The following UBAP2L variants were observed in gnomAD, a reference collection of about 807,000 sequenced individuals.
UBAP2L encodes ubiquitin associated protein 2 like, also known as ubiquitin-associated protein 2-like.
In UBAP2L, 12 loss-of-function variants were observed where a neutral mutation model predicts 130.6. The ratio of observed to expected loss-of-function variants is 0.09; its 90% confidence interval spans 0.06 to 0.15. UBAP2L has a LOEUF of 0.15. Ranked by LOEUF, UBAP2L falls within the 10% of genes least tolerant of loss-of-function variation. The pLI is 1.00. For missense variants in UBAP2L, 965 were observed against 1,332.5 expected, an observed-to-expected ratio of 0.72 and a Z score of 4.29; for synonymous variants, 503 against 524.7, an observed-to-expected ratio of 0.96 and a Z score of 0.57.
At chr1:154,227,657 G>A (rs1224890787) in intron 3 of UBAP2L, among the ~76,000 whole-genome samples, 3 of 151,106 alleles carry the variant, frequency 2.0e-5, no homozygotes, top group African/African-American at 4.9e-5. Flanking sequence ...AGCGATTCTC[G>A]TGCTTCAGCC....
chr1:154,241,628 A>G, intron 9 of UBAP2L, 63 bp downstream of exon 9: 1 of 1,604,020 alleles, frequency 6.2e-7, no homozygotes, highest in Non-Finnish European at 8.5e-7. Flanking sequence ...TTAGGGATAG[A>G]AAATGGGTAT....
chr1:154,246,476 C>A, intron 11 of UBAP2L, 101 bp downstream of exon 11: 1 of 1,360,940 alleles, frequency 7.3e-7, no homozygotes, highest in Non-Finnish European at 1.0e-6. Flanking sequence ...GCAGGTGAAG[C>A]ATCCTCTTTG....
chr1:154,263,449 A>G, intron 24 of UBAP2L: 29 of 1,188,200 alleles, frequency 2.4e-5, no homozygotes, highest in Non-Finnish European at 2.8e-5. Context: ...ATGTAGTTTC[A>G]ACTTGTAACA....
intron 4 of UBAP2L, among the ~76,000 whole-genome samples, chr1:154,229,805 T>C (rs1488126809): frequency 6.6e-6 from 1 of 152,222 alleles, no homozygotes; most frequent in Non-Finnish European, 1.5e-5. Flanking sequence ...TTGGGTCTTA[T>C]ACTGGGGCTC....
At chr1:154,252,666 TCTC>T (rs1678149843) in intron 14 of UBAP2L, among the ~76,000 whole-genome samples, 1 of 151,958 alleles carries the variant, frequency 6.6e-6, no homozygotes, top group African/African-American at 2.4e-5. Flanking sequence ...TTTAAGCAAT[TCTC>T]CTGCCTCAGC....
chr1:154,245,438 T>A (rs1199731955), intron 10 of UBAP2L, among the ~76,000 whole-genome samples: 1 of 152,224 alleles, frequency 6.6e-6, no homozygotes, highest in Non-Finnish European at 1.5e-5. Flanking sequence ...TTTGAAATTT[T>A]ACGAAAATTG....
intron 1 of UBAP2L, among the ~76,000 whole-genome samples, chr1:154,222,362 G>A (rs1666530931): frequency 6.6e-6 from 1 of 152,112 alleles, no homozygotes; most frequent in African/African-American, 2.4e-5. Flanking sequence ...TGATTACAGA[G>A]AATTAAAACA....
chr1:154,262,681 T>C (rs1681951353), intron 24 of UBAP2L, among the ~76,000 whole-genome samples: 1 of 152,188 alleles, frequency 6.6e-6, no homozygotes, highest in Admixed American at 6.5e-5. Context: ...TAGGAACTGA[T>C]AGCCAAGTGG....
At chr1:154,234,533 T>C (rs1267365321) in intron 4 of UBAP2L, 58 bp from the exon 5 acceptor site, 1 of 1,581,210 alleles carries the variant, frequency 6.3e-7, no homozygotes. Flanking sequence ...AGCTTTCATC[T>C]CTAGTGTCCT....
intron 11 of UBAP2L, 148 bp downstream of exon 11, chr1:154,246,523 T>A: frequency 1.2e-6 from 1 of 836,324 alleles, no homozygotes; most frequent in Admixed American, 2.9e-5. Context: ...AATGTTTGAG[T>A]TGGGTAATAG....
chr1:154,241,363 T>C (rs1673564417), intron 8 of UBAP2L, 150 bp from the exon 9 acceptor site: 1 of 661,270 alleles, frequency 1.5e-6, no homozygotes, highest in East Asian at 2.9e-5. Context: ...ATTAGGATTA[T>C]AGGTGTGAGC....
At chr1:154,227,548 G>GTTT (rs140500910) in intron 3 of UBAP2L, among the ~76,000 whole-genome samples, 189 bp downstream of exon 3, 25 of 149,648 alleles carry the variant, frequency 1.7e-4, no homozygotes, top group South Asian at 2.1e-4. Context: ...CCTTTGTTTT[G>GTTT]TTTTTTGTTT....
intron 21 of UBAP2L, among the ~76,000 whole-genome samples, chr1:154,259,481 C>T (rs1287682143): frequency 5.9e-5 from 9 of 152,092 alleles, no homozygotes; most frequent in East Asian, 3.9e-4. Context: ...CATGAGCCGC[C>T]GCACCCAGCC....
chr1:154,252,355 A>G (rs1168418982), intron 14 of UBAP2L, among the ~76,000 whole-genome samples: 1 of 141,146 alleles, frequency 7.1e-6, no homozygotes. Context: ...ATCTCGGCTC[A>G]CTGTAACCTC....
intron 4 of UBAP2L, among the ~76,000 whole-genome samples, chr1:154,234,091 T>A (rs1670830667): frequency 6.6e-6 from 1 of 152,136 alleles, no homozygotes; most frequent in African/African-American, 2.4e-5. Flanking sequence ...TTGGGTGCAG[T>A]GGCTCACATC....
At chr1:154,238,443 T>A (rs1241387568) in intron 8 of UBAP2L, among the ~76,000 whole-genome samples, 1 of 152,208 alleles carries the variant, frequency 6.6e-6, no homozygotes, top group Non-Finnish European at 1.5e-5. Context: ...GGTATTTGGC[T>A]TTTTATCTTT....
intron 26 of UBAP2L, among the ~76,000 whole-genome samples, chr1:154,269,984 C>T (rs1283592638): frequency 6.6e-6 from 1 of 152,088 alleles, no homozygotes; most frequent in Non-Finnish European, 1.5e-5. Context: ...GTATCTTGCC[C>T]TCTTCATCTT....
At chr1:154,228,989 A>G (rs1379845866) in intron 4 of UBAP2L, among the ~76,000 whole-genome samples, 1 of 152,190 alleles carries the variant, frequency 6.6e-6, no homozygotes, top group Non-Finnish European at 1.5e-5. Flanking sequence ...TATTTATTCC[A>G]GGCTAGTGAC....
chr1:154,249,514 G>A, intron 12 of UBAP2L, 77 bp downstream of exon 12: 2 of 1,576,546 alleles, frequency 1.3e-6, no homozygotes, highest in East Asian at 2.2e-5. Context: ...GGGAGGGGGT[G>A]GAGAATGTGT....
Sources: allele counts gnomAD v4.1 joint callset (sites outside exome capture counted in the v4.1 genomes callset), GRCh38; gene constraint gnomAD v4.1.1; transcripts MANE v1.5; gene names NCBI Gene and HGNC (gene_info 2026-07-23, HGNC 2026-07-21).